Variants in SRGAP2B observed in about 807,000 individuals in gnomAD.
SRGAP2B encodes the protein SLIT-ROBO Rho GTPase-activating protein 2B.
Under a neutral mutation model 22.2 loss-of-function variants are expected in SRGAP2B, and 9 were observed. The observed-to-expected ratio is 0.41, with a 90% CI of 0.24 to 0.71. The LOEUF is 0.71. SRGAP2B is among the 30% of genes least tolerant of loss of function. The pLI, the probability that SRGAP2B is intolerant of heterozygous loss-of-function variation, is 0.35. For synonymous variants in SRGAP2B, 36 were observed against 87.4 expected (o/e 0.41, Z 3.28); for missense variants, 114 against 235.8 (o/e 0.48, Z 3.38).
intron 2 of SRGAP2B, among the ~76,000 whole-genome samples, chr1:145,044,927 G>A (rs1649603997): frequency 1.3e-5 from 2 of 150,546 alleles, no homozygotes; most frequent in East Asian, 3.9e-4. Context: ...CTAGGTGGTA[G>A]ATCTGAGGCT....
chr1:145,065,381 G>A (rs1571123814), intron 2 of SRGAP2B, among the ~76,000 whole-genome samples: 1 of 149,190 alleles, frequency 6.7e-6, no homozygotes, highest in African/African-American at 2.5e-5. Flanking sequence ...ATCCTCTAGA[G>A]GTCGCCTAGT....
At chr1:144,964,965 C>T (rs11576818) in intron 3 of SRGAP2B, 21 of 1,396,552 alleles carry the variant, frequency 1.5e-5, no homozygotes, top group African/African-American at 7.3e-5. Context: ...CACAGAGCCG[C>T]GCCGCCTGCA....
chr1:144,990,732 C>G (rs1553616880), intron 3 of SRGAP2B, among the ~76,000 whole-genome samples: 1 of 151,222 alleles, frequency 6.6e-6, no homozygotes, highest in South Asian at 2.1e-4. Flanking sequence ...TTGGTGGGCC[C>G]CGCACTCGGA....
intron 4 of SRGAP2B, among the ~76,000 whole-genome samples, chr1:144,953,004 C>T (rs1338850864): frequency 2.8e-5 from 4 of 143,482 alleles, no homozygotes; most frequent in African/African-American, 1.1e-4. Context: ...ATGGGAATGC[C>T]CCAAGGGAGG....
chr1:144,999,714 TA>T (rs1553619287), intron 2 of SRGAP2B, among the ~76,000 whole-genome samples: 1 of 147,986 alleles, frequency 6.8e-6, no homozygotes, highest in Non-Finnish European at 1.5e-5. Flanking sequence ...TATGTTTTTT[TA>T]AAAATGACAC....
chr1:145,093,789 C>T (rs1465190882), intron 1 of SRGAP2B, among the ~76,000 whole-genome samples: 3 of 146,870 alleles, frequency 2.0e-5, no homozygotes, highest in African/African-American at 7.9e-5. Flanking sequence ...GACCTAGCCC[C>T]CGACGTGGCC....
intron 4 of SRGAP2B, among the ~76,000 whole-genome samples, chr1:144,930,636 C>T (rs1558757977): frequency 6.6e-6 from 1 of 150,790 alleles, no homozygotes; most frequent in African/African-American, 2.5e-5. Flanking sequence ...CTTCACCAGC[C>T]ACCTCAAATT....
chr1:144,994,015 T>C (rs1418084469), intron 3 of SRGAP2B, among the ~76,000 whole-genome samples: 3 of 149,856 alleles, frequency 2.0e-5, no homozygotes, highest in Non-Finnish European at 4.4e-5. Context: ...TAGCATATTT[T>C]ATGGGTGGCC....
intron 3 of SRGAP2B, among the ~76,000 whole-genome samples, chr1:144,971,131 CTTT>C (rs60651899): frequency 4.3e-5 from 6 of 140,828 alleles, no homozygotes; most frequent in Admixed American, 7.1e-5. Context: ...GGAACACTTC[CTTT>C]TTTTTTTTTT....
intron 4 of SRGAP2B, among the ~76,000 whole-genome samples, chr1:144,941,579 A>G (rs1435292118): frequency 6.7e-6 from 1 of 150,068 alleles, no homozygotes; most frequent in Non-Finnish European, 1.5e-5. Context: ...TAGTAGAAAA[A>G]CTAAAAGACC....
At chr1:144,960,330 T>C (rs1216823774) in intron 3 of SRGAP2B, among the ~76,000 whole-genome samples, 6 of 150,632 alleles carry the variant, frequency 4.0e-5, no homozygotes, top group Admixed American at 6.6e-5. Context: ...GAAAACATCA[T>C]ACTATACCTG....
chr1:144,985,322 C>T (rs1669632801), intron 3 of SRGAP2B, among the ~76,000 whole-genome samples: 1 of 141,570 alleles, frequency 7.1e-6, no homozygotes, highest in Non-Finnish European at 1.5e-5. Context: ...TGAAAAGATA[C>T]TGACAGTGGG....
chr1:144,920,588 T>C (rs1333045199), intron 4 of SRGAP2B, among the ~76,000 whole-genome samples: 8 of 149,044 alleles, frequency 5.4e-5, no homozygotes. Flanking sequence ...TTTTCAGATA[T>C]GGAGTCTCGT....
At chr1:144,940,984 A>G (rs1182586657) in intron 4 of SRGAP2B, among the ~76,000 whole-genome samples, 6 of 150,098 alleles carry the variant, frequency 4.0e-5, no homozygotes, top group Non-Finnish European at 5.9e-5. Flanking sequence ...AGCTTAATAT[A>G]TAATGTAACT....
intron 2 of SRGAP2B, among the ~76,000 whole-genome samples, chr1:145,076,105 A>T (rs1156432687): frequency 2.7e-5 from 4 of 150,478 alleles, no homozygotes; most frequent in Non-Finnish European, 4.4e-5. Flanking sequence ...CCAAAGGGAG[A>T]GAAATATACA....
chr1:144,989,303 ATT>A (rs58585545), intron 3 of SRGAP2B, among the ~76,000 whole-genome samples: 4 of 49,340 alleles, frequency 8.1e-5, no homozygotes, highest in African/African-American at 9.2e-5. Context: ...TTAACCAGGG[ATT>A]TTTTTTTTTT....
chr1:144,942,515 G>C (rs1462293911), intron 4 of SRGAP2B, among the ~76,000 whole-genome samples: 2 of 150,542 alleles, frequency 1.3e-5, no homozygotes, highest in African/African-American at 2.5e-5. Flanking sequence ...TGCCTCCCAG[G>C]TTCAAGTGAT....
chr1:144,999,277 G>A lies in SRGAP2B; in HGVS notation c.68-4077C>T, dbSNP rs1389207591. Among the ~76,000 whole-genome samples, 3 of 148,516 alleles carry A rather than the reference G, an allele frequency of 2.0e-5. No homozygotes were observed. The East Asian group carries it at 5.9e-4, about 29-fold the overall frequency. ...GAAGTCAAGCTCTCACTTTCTAGAAGCAGCTATATCTTAGGGGTACAAAAG... is the reference window on the plus strand; with the variant it reads ...GAAGTCAAGCTCTCACTTTCTAGAAACAGCTATATCTTAGGGGTACAAAAG... On this transcript the variant is annotated intron_variant, in intron 2 of 9. Transcript: ENST00000612199.
intron 2 of SRGAP2B, among the ~76,000 whole-genome samples, chr1:144,998,619 G>C (rs1203243128): frequency 1.3e-5 from 2 of 150,642 alleles, no homozygotes; most frequent in African/African-American, 5.0e-5. Context: ...AGAAGGAAAA[G>C]GAGGAGAAAA....
Sources: gnomAD v4.1 joint callset for allele counts (sites outside exome capture counted in the v4.1 genomes callset) on GRCh38, gnomAD v4.1.1 for gene constraint, MANE v1.5 for transcripts, NCBI Gene and HGNC (gene_info 2026-07-23, HGNC 2026-07-21) for gene names.